The following VDAC1 variants were observed in gnomAD, a reference collection of about 807,000 sequenced individuals.
VDAC1 encodes the protein voltage dependent anion channel 1.
A neutral mutation model predicts 34.7 loss-of-function variants in VDAC1; 10 were observed. That is an observed-to-expected ratio of 0.29 (90% confidence interval 0.18 to 0.49). The LOEUF (loss-of-function observed/expected upper bound fraction) is 0.49, where lower values mean the gene tolerates loss of function less well. Ranked by LOEUF, VDAC1 falls within the 20% of genes least tolerant of loss-of-function variation. The pLI, the probability that VDAC1 is intolerant of heterozygous loss-of-function variation, is 0.99. For missense variants in VDAC1, 230 were observed against 347.9 expected (o/e 0.66, Z 2.69); for synonymous variants, 130 against 136.0 (o/e 0.96, Z 0.30).
At chr5:134,114,222 A>G in the VDAC1 span, among the ~76,000 whole-genome samples, 1 of 152,028 alleles carries the variant, frequency 6.6e-6, no homozygotes, top group Non-Finnish European at 1.5e-5. Flanking sequence ...AGCGCCGCGG[A>G]GTTCCAACGC....
At chr5:133,999,863 T>C (rs1033838128) in intron 1 of VDAC1, among the ~76,000 whole-genome samples, 4 of 152,280 alleles carry the variant, frequency 2.6e-5, no homozygotes, top group African/African-American at 9.6e-5. Context: ...CTTATGATTC[T>C]GCCAAGGAAG....
At chr5:134,057,513 A>G in the VDAC1 span, among the ~76,000 whole-genome samples, 1 of 149,678 alleles carries the variant, frequency 6.7e-6, no homozygotes, top group Non-Finnish European at 1.5e-5. Flanking sequence ...ATCTATATCT[A>G]TATCTATATC....
chr5:134,052,722 G>A, the VDAC1 span, among the ~76,000 whole-genome samples: 2 of 152,134 alleles, frequency 1.3e-5, no homozygotes, highest in African/African-American at 4.8e-5. Context: ...GCACTGCCAT[G>A]GGCCAGGCGC....
chr5:134,080,457 C>G, the VDAC1 span, among the ~76,000 whole-genome samples: 1 of 73,282 alleles, frequency 1.4e-5, no homozygotes, highest in African/African-American at 4.9e-5. Context: ...GTAATGGGAC[C>G]TTGCAGTGAA....
the VDAC1 span, among the ~76,000 whole-genome samples, chr5:134,012,762 A>C: frequency 2.0e-5 from 3 of 151,832 alleles, no homozygotes; most frequent in Non-Finnish European, 4.4e-5. Context: ...TATATTAAAC[A>C]AAAAAAAGAG....
At chr5:134,046,189 C>T in the VDAC1 span, among the ~76,000 whole-genome samples, 2 of 75,932 alleles carry the variant, frequency 2.6e-5, no homozygotes. Flanking sequence ...CCACGCCCAG[C>T]TCATTTTTTT....
intron 1 of VDAC1, among the ~76,000 whole-genome samples, chr5:134,002,814 A>C (rs1224968394): frequency 6.6e-6 from 1 of 151,942 alleles, no homozygotes; most frequent in East Asian, 1.9e-4. Context: ...AAAATACAAA[A>C]ATTAGCCAGG....
the VDAC1 span, among the ~76,000 whole-genome samples, chr5:134,088,473 T>C: frequency 1.3e-5 from 2 of 152,118 alleles, no homozygotes; most frequent in African/African-American, 2.4e-5. Flanking sequence ...ACCACAGGCA[T>C]GGAGGAGGCA....
intron 7 of VDAC1, among the ~76,000 whole-genome samples, chr5:133,974,459 CGG>C (rs1752403832): frequency 6.6e-6 from 1 of 151,994 alleles, no homozygotes; most frequent in Non-Finnish European, 1.5e-5. Flanking sequence ...AAAAGTGAGG[CGG>C]GGCGGGGGGA....
At chr5:134,088,884 A>G in the VDAC1 span, among the ~76,000 whole-genome samples, 3 of 152,220 alleles carry the variant, frequency 2.0e-5, no homozygotes, top group East Asian at 5.8e-4. Flanking sequence ...TGTGAACTTC[A>G]TACGAATGGA....
At chr5:134,092,142 G>A in the VDAC1 span, among the ~76,000 whole-genome samples, 8 of 152,334 alleles carry the variant, frequency 5.3e-5, no homozygotes, top group Non-Finnish European at 8.8e-5. Context: ...AAGTGGTAGA[G>A]TGGGGATCTG....
At chr5:134,110,231 T>C in the VDAC1 span, among the ~76,000 whole-genome samples, 2 of 152,218 alleles carry the variant, frequency 1.3e-5, no homozygotes, top group Non-Finnish European at 2.9e-5. Flanking sequence ...TCAGGAAATA[T>C]GAACTGCCAA....
At chr5:134,056,984 C>T in the VDAC1 span, among the ~76,000 whole-genome samples, 7 of 152,320 alleles carry the variant, frequency 4.6e-5, no homozygotes, top group Admixed American at 2.0e-4. Context: ...CCACCACGCC[C>T]GGCCCAAGAT....
chr5:134,106,197 C>T, the VDAC1 span, among the ~76,000 whole-genome samples: 3 of 152,202 alleles, frequency 2.0e-5, no homozygotes, highest in Non-Finnish European at 4.4e-5. Context: ...GGTCCACTTT[C>T]CCTAATAATA....
At chr5:134,107,108 G>A in the VDAC1 span, among the ~76,000 whole-genome samples, 1 of 152,206 alleles carries the variant, frequency 6.6e-6, no homozygotes, top group African/African-American at 2.4e-5. Context: ...TGGAGCCAGA[G>A]GTGTCCAAAC....
chr5:134,075,416 C>T, the VDAC1 span, among the ~76,000 whole-genome samples: 1 of 152,198 alleles, frequency 6.6e-6, no homozygotes, highest in African/African-American at 2.4e-5. Context: ...GCACACTACT[C>T]ACACTACTAT....
At chr5:134,049,919 T>G in the VDAC1 span, among the ~76,000 whole-genome samples, 1 of 152,122 alleles carries the variant, frequency 6.6e-6, no homozygotes, top group East Asian at 1.9e-4. Flanking sequence ...CTCAACTTTG[T>G]TTAGTTTAGC....
chr5:134,074,353 T>TAAAA, the VDAC1 span, among the ~76,000 whole-genome samples: 1 of 132,530 alleles, frequency 7.5e-6, no homozygotes, highest in Non-Finnish European at 1.6e-5. Context: ...AATAAATAAA[T>TAAAA]AAAAGCTTTG....
the VDAC1 span, among the ~76,000 whole-genome samples, chr5:134,033,758 C>A: frequency 7.3e-5 from 11 of 151,492 alleles, no homozygotes; most frequent in East Asian, 2.1e-3. Context: ...TTTGGGAGGC[C>A]AAGGCGGGCG....
Sources: gnomAD v4.1 joint callset for allele counts (sites outside exome capture counted in the v4.1 genomes callset) on GRCh38, gnomAD v4.1.1 for gene constraint, MANE v1.5 for transcripts, NCBI Gene and HGNC (gene_info 2026-07-23, HGNC 2026-07-21) for gene names.